PTPRR: variants seen among roughly 807,000 people sequenced by gnomAD.
PTPRR encodes receptor-type tyrosine-protein phosphatase R.
A neutral mutation model predicts 77.2 loss-of-function variants in PTPRR; 38 were observed. That is an observed-to-expected ratio of 0.49 (90% CI 0.38 to 0.65). The LOEUF (loss-of-function observed/expected upper bound fraction) is 0.65, where lower values mean the gene tolerates loss of function less well. Ranked by LOEUF, PTPRR falls within the 30% of genes least tolerant of loss-of-function variation. PTPRR has a pLI of 0.00. For missense variants in PTPRR, 744 were observed against 799.2 expected, an observed-to-expected ratio of 0.93 and a Z score of 0.83; for synonymous variants, 299 against 283.1, an observed-to-expected ratio of 1.06 and a Z score of -0.57.
At chr12:70,875,401 C>A (rs924855613) in intron 2 of PTPRR, among the ~76,000 whole-genome samples, 1 of 151,978 alleles carries the variant, frequency 6.6e-6, no homozygotes, top group Non-Finnish European at 1.5e-5. Flanking sequence ...GGGTTCTTAG[C>A]ATGATGGACC....
rs1276733841 is a variant in PTPRR at position 70,828,239 on chromosome 12, C to A, written c.358-63461G>T. 3.9e-5 allele frequency among the ~76,000 whole-genome samples: 6 copies of A among 152,142 alleles called. No homozygotes were observed. The East Asian group carries it at 1.2e-3, about 29-fold the overall frequency. On this transcript the variant is annotated intron_variant, in intron 2 of 13. Coordinates refer to ENST00000283228, the MANE Select transcript of PTPRR (RefSeq NM_002849.4). ...AACACAGTGTTAAGGACATAATAAGCCTCAGAAATTTGTCTCCACATTCCT... is the reference window on the plus strand; with the variant it reads ...AACACAGTGTTAAGGACATAATAAGACTCAGAAATTTGTCTCCACATTCCT...
chr12:70,751,766 CTA>C (rs1195029679), intron 5 of PTPRR, among the ~76,000 whole-genome samples: 2 of 152,148 alleles, frequency 1.3e-5, no homozygotes, highest in African/African-American at 4.8e-5. Flanking sequence ...CCCTTCTTCC[CTA>C]TCTCTTCATT....
intron 2 of PTPRR, among the ~76,000 whole-genome samples, chr12:70,837,470 A>G (rs1892324363): frequency 6.6e-6 from 1 of 152,174 alleles, no homozygotes; most frequent in Non-Finnish European, 1.5e-5. Flanking sequence ...CTTCTGACAC[A>G]AGATATGTGG....
At chr12:70,822,809 CG>C (rs1892039697) in intron 2 of PTPRR, among the ~76,000 whole-genome samples, 1 of 152,094 alleles carries the variant, frequency 6.6e-6, no homozygotes, top group Admixed American at 6.5e-5. Flanking sequence ...GGACTTCATA[CG>C]ACCATAATTT....
chr12:70,821,959 C>T (rs765376137), intron 2 of PTPRR, among the ~76,000 whole-genome samples: 3 of 152,120 alleles, frequency 2.0e-5, no homozygotes, highest in Non-Finnish European at 2.9e-5. Flanking sequence ...CCACCACGCC[C>T]GGCCGAAACC....
chr12:70,751,249 G>A (rs910057831), intron 5 of PTPRR, among the ~76,000 whole-genome samples: 2 of 152,090 alleles, frequency 1.3e-5, no homozygotes, highest in African/African-American at 4.8e-5. Context: ...CCCTGTTGCT[G>A]AGGATTGGGA....
At chr12:70,657,279 A>C (rs1177012631) in intron 12 of PTPRR, among the ~76,000 whole-genome samples, 1 of 152,154 alleles carries the variant, frequency 6.6e-6, no homozygotes, top group East Asian at 1.9e-4. Flanking sequence ...AATTTGAAGG[A>C]GGCAGGGAAG....
At chr12:70,713,236 T>G (rs1888897150) in intron 6 of PTPRR, among the ~76,000 whole-genome samples, 1 of 152,218 alleles carries the variant, frequency 6.6e-6, no homozygotes, top group African/African-American at 2.4e-5. Context: ...ACTACATTCC[T>G]TTTCATGGCA....
At chr12:70,817,217 T>C (rs1891919301) in intron 2 of PTPRR, among the ~76,000 whole-genome samples, 1 of 152,194 alleles carries the variant, frequency 6.6e-6, no homozygotes, top group South Asian at 2.1e-4. Context: ...CTTTAATGTG[T>C]TTTAAAAGTT....
Position 70,701,229 on chromosome 12 carries a change from T to C in PTPRR, c.1102A>G (p.Met368Val). 6.2e-7 allele frequency: 1 copy of C among 1,613,992 alleles called. No homozygotes were observed. The highest frequency in any genetic ancestry group is 8.5e-7 in the Non-Finnish European group (1 of 1,179,942). ...SIPTPREKVA[M>V]EYLQSASRIL... The stretch of plus-strand genomic sequence containing the variant: ...CGGCTGGCTGACTGCAGATACTCCA[T>C]TGCTACCTTCTCCCGTGGTGTTGGT... Residue 368 changes from methionine (M) to valine (V), a missense_variant, in exon 7 of 14, where the codon ATG becomes GTG. Met to Val is a conservative substitution (Grantham distance 21). Transcript: ENST00000283228.
At chr12:70,756,838 A>T (rs529192113) in intron 4 of PTPRR, among the ~76,000 whole-genome samples, 24 of 152,266 alleles carry the variant, frequency 1.6e-4, no homozygotes, top group African/African-American at 5.8e-4. Flanking sequence ...AAATGCTAGG[A>T]GAGACGATTC....
chr12:70,802,272 A>G (rs1348769054), intron 2 of PTPRR, among the ~76,000 whole-genome samples: 1 of 152,194 alleles, frequency 6.6e-6, no homozygotes, highest in Non-Finnish European at 1.5e-5. Flanking sequence ...AATTAATACA[A>G]CTTCGTAAAG....
chr12:70,689,838 G>A (rs140296773), intron 8 of PTPRR, among the ~76,000 whole-genome samples: 38 of 152,260 alleles, frequency 2.5e-4, no homozygotes, highest in African/African-American at 7.0e-4. Flanking sequence ...AGAGCTAGTC[G>A]TCTCCTAGTA....
In PTPRR at chr12:70,780,853, T is replaced by C. The variant is rs535601460; in HGVS notation, c.358-16075A>G. Among the ~76,000 whole-genome samples the C allele has an allele frequency of 1.1e-3, 163 of 152,312 alleles. 3 individuals are homozygous for C. The highest frequency in any genetic ancestry group is 1.2e-3 in the Non-Finnish European group (84 of 68,018). On this transcript the variant is annotated intron_variant, in intron 2 of 13. Coordinates refer to ENST00000283228, the MANE Select transcript of PTPRR (RefSeq NM_002849.4). ...TGTAACTGGTGCATTTGGAATAAGA[T>C]AGTGGGGCATGTGCAGGTCTGTGCT...
At chr12:70,843,717 A>G (rs1459979251) in intron 2 of PTPRR, among the ~76,000 whole-genome samples, 3 of 152,102 alleles carry the variant, frequency 2.0e-5, no homozygotes, top group Admixed American at 1.3e-4. Context: ...ATATAGAATG[A>G]CTAATATGAT....
chr12:70,846,455 G>A (rs570590008), intron 2 of PTPRR, among the ~76,000 whole-genome samples: 1 of 152,214 alleles, frequency 6.6e-6, no homozygotes, highest in East Asian at 1.9e-4. Flanking sequence ...TTAAGAAATG[G>A]TTATATTAGT....
At chr12:70,803,858 A>C (rs1035219764) in intron 2 of PTPRR, among the ~76,000 whole-genome samples, 12 of 152,160 alleles carry the variant, frequency 7.9e-5, no homozygotes, top group Admixed American at 6.5e-4. Flanking sequence ...TAAGGTGTGC[A>C]TGCATGTGTG....
chr12:70,788,476 A>G (rs1592758464), intron 2 of PTPRR, among the ~76,000 whole-genome samples: 1 of 152,230 alleles, frequency 6.6e-6, no homozygotes, highest in African/African-American at 2.4e-5. Context: ...AACAAAGAAA[A>G]TATCTGCTCC....
chr12:70,753,013 G>A (rs546902530), intron 5 of PTPRR, among the ~76,000 whole-genome samples: 91 of 152,188 alleles, frequency 6.0e-4, no homozygotes, highest in Admixed American at 1.5e-3. Flanking sequence ...TGTTTATTGA[G>A]TCACAATTCT....
Sources: allele counts gnomAD v4.1 joint callset (sites outside exome capture counted in the v4.1 genomes callset), GRCh38; gene constraint gnomAD v4.1.1; transcripts MANE v1.5; gene names NCBI Gene and HGNC (gene_info 2026-07-23, HGNC 2026-07-21).